Variants in REDIC1 observed in about 807,000 individuals in gnomAD.
REDIC1 encodes regulator of DNA class I crossover intermediates 1, also known as HEI10 Interacting Protein 1.
the REDIC1 span, among the ~76,000 whole-genome samples, chr12:39,773,469 C>A: frequency 1.3e-5 from 2 of 152,180 alleles, no homozygotes; most frequent in African/African-American, 2.4e-5. Context: ...TGCTCCCCTG[C>A]CCACTCAACA....
the REDIC1 span, among the ~76,000 whole-genome samples, chr12:39,857,980 C>A: frequency 6.6e-6 from 1 of 152,166 alleles, no homozygotes; most frequent in Admixed American, 6.5e-5. Context: ...AAACAAAAAA[C>A]CAAGGTTTGG....
the REDIC1 span, among the ~76,000 whole-genome samples, chr12:39,713,813 A>G: frequency 6.7e-6 from 1 of 148,470 alleles, no homozygotes; most frequent in East Asian, 2.0e-4. Flanking sequence ...GCATGTGTAT[A>G]TATACGTGTA....
At chr12:39,637,194 C>A in the REDIC1 span, among the ~76,000 whole-genome samples, 1 of 151,770 alleles carries the variant, frequency 6.6e-6, no homozygotes, top group African/African-American at 2.4e-5. Context: ...TTACTACTAT[C>A]TAGAATAGAT....
chr12:39,868,843 T>G, the REDIC1 span, among the ~76,000 whole-genome samples: 1 of 152,232 alleles, frequency 6.6e-6, no homozygotes, highest in Non-Finnish European at 1.5e-5. Context: ...AGATTATTCA[T>G]GGACTACATA....
At chr12:39,697,939 C>T in the REDIC1 span, among the ~76,000 whole-genome samples, 4 of 152,132 alleles carry the variant, frequency 2.6e-5, no homozygotes, top group South Asian at 2.1e-4. Context: ...ATGGATTAAG[C>T]TCTCCAATCA....
At chr12:39,642,086 C>G in the REDIC1 span, among the ~76,000 whole-genome samples, 3 of 151,710 alleles carry the variant, frequency 2.0e-5, no homozygotes, top group Middle Eastern at 0.01. Flanking sequence ...AATTTGATTA[C>G]TTAGTTTCTG....
At chr12:39,875,294 G>A in the REDIC1 span, among the ~76,000 whole-genome samples, 1 of 152,026 alleles carries the variant, frequency 6.6e-6, no homozygotes, top group African/African-American at 2.4e-5. Context: ...CTGGCTGGTG[G>A]CCCCCTTCCT....
the REDIC1 span, among the ~76,000 whole-genome samples, chr12:39,690,180 A>G: frequency 6.6e-6 from 1 of 152,200 alleles, no homozygotes. Flanking sequence ...AAACAGGTAG[A>G]TTCTGCTGAG....
the REDIC1 span, among the ~76,000 whole-genome samples, chr12:39,785,000 A>G: frequency 4.6e-5 from 7 of 152,222 alleles, no homozygotes; most frequent in Non-Finnish European, 7.3e-5. Flanking sequence ...GAAACAGAAC[A>G]TAAAAGTTAG....
chr12:39,734,495 A>T, the REDIC1 span, among the ~76,000 whole-genome samples: 1 of 152,102 alleles, frequency 6.6e-6, no homozygotes, highest in Non-Finnish European at 1.5e-5. Context: ...TTTCTTCCTG[A>T]AGTTTTTTAT....
the REDIC1 span, among the ~76,000 whole-genome samples, chr12:39,712,589 A>G: frequency 6.9e-6 from 1 of 144,694 alleles, no homozygotes; most frequent in Admixed American, 6.9e-5. Flanking sequence ...ATATGTATAT[A>G]CGTATATACA....
chr12:39,816,449 AG>A, the REDIC1 span, among the ~76,000 whole-genome samples: 1 of 101,418 alleles, frequency 9.9e-6, no homozygotes, highest in African/African-American at 3.8e-5. Context: ...GGGAGGGGGG[AG>A]GGATAGCATT....
chr12:39,635,194 G>T, the REDIC1 span, among the ~76,000 whole-genome samples: 1 of 152,176 alleles, frequency 6.6e-6, no homozygotes, highest in Non-Finnish European at 1.5e-5. Context: ...CACTGTTGGT[G>T]GGAGTGTAAA....
At chr12:39,633,392 G>T in the REDIC1 span, among the ~76,000 whole-genome samples, 3 of 152,126 alleles carry the variant, frequency 2.0e-5, no homozygotes, top group African/African-American at 7.2e-5. Context: ...GCAATAACAT[G>T]CATGGAGCTA....
chr12:39,846,194 C>A, the REDIC1 span, among the ~76,000 whole-genome samples: 16 of 152,116 alleles, frequency 1.1e-4, no homozygotes, highest in African/African-American at 1.7e-4. Flanking sequence ...TCTAGAAAAA[C>A]CAAGGTGGTG....
At chr12:39,770,295 A>C in the REDIC1 span, among the ~76,000 whole-genome samples, 3 of 152,128 alleles carry the variant, frequency 2.0e-5, no homozygotes, top group Admixed American at 1.3e-4. Context: ...AAGTACCTAA[A>C]ATAGCAGAGT....
At chr12:39,767,730 A>G in the REDIC1 span, among the ~76,000 whole-genome samples, 7 of 152,216 alleles carry the variant, frequency 4.6e-5, no homozygotes, top group South Asian at 1.4e-3. Flanking sequence ...GGAGAAACCC[A>G]GTGGGAGGTA....
At chr12:39,784,973 C>T in the REDIC1 span, among the ~76,000 whole-genome samples, 1 of 152,146 alleles carries the variant, frequency 6.6e-6, no homozygotes, top group South Asian at 2.1e-4. Context: ...CTGTTAAAAG[C>T]ACTCTGTTTT....
the REDIC1 span, among the ~76,000 whole-genome samples, chr12:39,637,422 C>T: frequency 6.6e-6 from 1 of 152,036 alleles, no homozygotes; most frequent in Non-Finnish European, 1.5e-5. Flanking sequence ...CTTTCTAGCT[C>T]ACTCCCAATC....
Sources: gnomAD v4.1 joint callset for allele counts (sites outside exome capture counted in the v4.1 genomes callset) on GRCh38, gnomAD v4.1.1 for gene constraint, MANE v1.5 for transcripts, NCBI Gene and HGNC (gene_info 2026-07-23, HGNC 2026-07-21) for gene names.